The following TRIM5 variants were observed in gnomAD, a reference collection of about 807,000 sequenced individuals.
TRIM5 encodes the protein tripartite motif-containing protein 5.
A neutral mutation model predicts 35.6 loss-of-function variants in TRIM5; 31 were observed. The observed-to-expected ratio is 0.87, with a 90% CI of 0.65 to 1.18. The LOEUF (loss-of-function observed/expected upper bound fraction) is 1.18, where lower values mean the gene tolerates loss of function less well. Among genes scored for constraint, TRIM5 ranks in the 50% most tolerant of loss-of-function variants. The pLI is 0.00. For missense variants in TRIM5, 609 were observed against 591.6 expected (o/e 1.03, Z -0.31); for synonymous variants, 243 against 215.6 (o/e 1.13, Z -1.11).
the TRIM5 span, among the ~76,000 whole-genome samples, chr11:5,599,383 A>ATT: frequency 1.1e-4 from 16 of 146,936 alleles, no homozygotes; most frequent in East Asian, 6.0e-4. Flanking sequence ...TACAATTATT[A>ATT]TATTTATTTA....
the TRIM5 span, chr11:5,644,077 T>C: frequency 2.4e-6 from 1 of 413,754 alleles, no homozygotes; most frequent in Non-Finnish European, 4.2e-6. Context: ...ACCACCAACA[T>C]CAACTAAAGG....
At chr11:5,667,410 C>T (rs1335564667) in intron 5 of TRIM5, among the ~76,000 whole-genome samples, 4 of 152,020 alleles carry the variant, frequency 2.6e-5, no homozygotes, top group Admixed American at 1.3e-4. Flanking sequence ...GGTTTTGCCA[C>T]GTTGGCCAGG....
intron 1 of TRIM5, among the ~76,000 whole-genome samples, chr11:5,684,575 GC>G (rs1236844130): frequency 1.3e-5 from 2 of 152,134 alleles, no homozygotes; most frequent in Non-Finnish European, 2.9e-5. Context: ...GGATTCCAAG[GC>G]CCCTGTCTTT....
the TRIM5 span, among the ~76,000 whole-genome samples, chr11:5,601,745 A>G: frequency 6.6e-6 from 1 of 152,128 alleles, no homozygotes; most frequent in Non-Finnish European, 1.5e-5. Flanking sequence ...GCGATAGAGC[A>G]AGACTCAGTT....
In TRIM5 at chr11:5,664,959, A is replaced by G; in HGVS notation, c.1332T>C (p.Tyr444=). The G allele has an allele frequency of 6.2e-7, 1 of 1,614,160 alleles. No individual in the cohort carries two copies. The highest frequency in any genetic ancestry group is 8.5e-7 in the Non-Finnish European group (1 of 1,180,032). ...TGAAGAATGAGACAGTGCAAGCCTC[A>G]TAGTCTAGGAAAACTCCAACACGAT... The part of the protein sequence containing the change: ...CPDRVGVFLD[Y]EACTVSFFNI... Residue 444 remains tyrosine (Y), a synonymous_variant, in exon 8 of 8, where the codon TAT becomes TAC. Coordinates refer to ENST00000380034, the MANE Select transcript of TRIM5 (RefSeq NM_033034.3).
At chr11:5,605,573 G>C in the TRIM5 span, 4 of 1,609,806 alleles carry the variant, frequency 2.5e-6, no homozygotes, top group African/African-American at 5.4e-5. Context: ...TGCAGGTAAG[G>C]CTTGTGAAGG....
At chr11:5,601,874 T>A in the TRIM5 span, among the ~76,000 whole-genome samples, 2 of 151,948 alleles carry the variant, frequency 1.3e-5, no homozygotes, top group Non-Finnish European at 2.9e-5. Context: ...CGTTAAGAAG[T>A]GGAAGTGTTT....
chr11:5,615,829 G>C, the TRIM5 span, among the ~76,000 whole-genome samples: 1 of 151,764 alleles, frequency 6.6e-6, no homozygotes, highest in South Asian at 2.1e-4. Context: ...CTGACCTCAG[G>C]TGATCCACCC....
At position 5,680,179 on chromosome 11, in the gene TRIM5, G is replaced by T; in HGVS notation, c.-2C>A. 1 of 1,598,080 alleles carries T rather than the reference G, an allele frequency of 6.3e-7. No homozygotes were observed. Among genetic ancestry groups the T allele is most frequent in the Non-Finnish European group, 8.5e-7 (1 of 1,171,316 alleles). On this transcript the variant is annotated 5_prime_UTR_variant, in exon 2 of 8. Transcript: ENST00000380034. ...ATTAACCAGGATTCCAGAAGCCATA[G>T]TAGCTATTCCACTGCTCCTGCCTGT...
the TRIM5 span, chr11:5,608,439 T>C: frequency 1.2e-6 from 2 of 1,610,824 alleles, no homozygotes; most frequent in East Asian, 2.2e-5. Context: ...GACTGACAAA[T>C]GATTCCTTTA....
At chr11:5,632,364 G>T in the TRIM5 span, 1 of 1,614,104 alleles carries the variant, frequency 6.2e-7, no homozygotes, top group Non-Finnish European at 8.5e-7. Flanking sequence ...ACGTACAAGA[G>T]GAGGTGACCT....
At chr11:5,597,589 A>G in the TRIM5 span, among the ~76,000 whole-genome samples, 1 of 152,206 alleles carries the variant, frequency 6.6e-6, no homozygotes, top group Non-Finnish European at 1.5e-5. Context: ...CAACTCACTT[A>G]TAAATGCAAC....
the TRIM5 span, among the ~76,000 whole-genome samples, chr11:5,597,351 T>A: frequency 6.6e-6 from 1 of 152,162 alleles, no homozygotes; most frequent in African/African-American, 2.4e-5. Flanking sequence ...CATGCCTAGC[T>A]TTAAAAAAAT....
Position 5,678,372 on chromosome 11 carries a change from C to A in TRIM5, c.576G>T (p.Leu192=). 1.9e-6 allele frequency: 3 copies of A among 1,608,226 alleles called. No individual in the cohort carries two copies. Among genetic ancestry groups the A allele is most frequent in the Non-Finnish European group, 2.6e-6 (3 of 1,175,628 alleles). The change falls in exon 4 of 8, where the codon CTG becomes CTT. Residue 192 remains leucine (L), a synonymous_variant. Transcript: ENST00000380034. ...LADFEQLRDI[L]DWEESNELQN... is the part of the protein sequence containing the mutation. ...GCAGCTCATTGCTCTCCTCCCAGTC[C>A]AGGATGTCTCTCAGTTGCTCAAAAT...
At chr11:5,629,466 G>A in the TRIM5 span, among the ~76,000 whole-genome samples, 1 of 152,142 alleles carries the variant, frequency 6.6e-6, no homozygotes, top group South Asian at 2.1e-4. Context: ...TGCCTACTGA[G>A]AGCCACCCTT....
intron 4 of TRIM5, among the ~76,000 whole-genome samples, chr11:5,668,251 G>T (rs1397856619): frequency 1.3e-5 from 2 of 151,950 alleles, no homozygotes; most frequent in East Asian, 3.9e-4. Context: ...CTCCAGTCTG[G>T]GTTTCAGAGT....
At chr11:5,618,200 T>C in the TRIM5 span, among the ~76,000 whole-genome samples, 1 of 152,090 alleles carries the variant, frequency 6.6e-6, no homozygotes, top group African/African-American at 2.4e-5. Flanking sequence ...TGAAACCCCA[T>C]CTCTACTAAA....
the TRIM5 span, among the ~76,000 whole-genome samples, chr11:5,625,279 T>C: frequency 6.6e-6 from 1 of 152,190 alleles, no homozygotes; most frequent in Non-Finnish European, 1.5e-5. Flanking sequence ...GAAGGCCGCC[T>C]TTGTTTTCTG....
the TRIM5 span, among the ~76,000 whole-genome samples, chr11:5,631,571 G>A: frequency 1.3e-5 from 2 of 152,128 alleles, no homozygotes; most frequent in African/African-American, 2.4e-5. Context: ...TGTTTCTGTC[G>A]GTATCTCTGG....
Sources: gnomAD v4.1 joint callset for allele counts (sites outside exome capture counted in the v4.1 genomes callset) on GRCh38, gnomAD v4.1.1 for gene constraint, MANE v1.5 for transcripts, NCBI Gene and HGNC (gene_info 2026-07-23, HGNC 2026-07-21) for gene names.